The following MEI4 variants were observed in gnomAD, a reference collection of about 807,000 sequenced individuals.
MEI4 encodes meiotic double-stranded break formation protein 4.
In MEI4, 27 loss-of-function variants were observed where a neutral mutation model predicts 31.4. The ratio of observed to expected loss-of-function variants is 0.86; its 90% CI spans 0.63 to 1.19. The LOEUF (loss-of-function observed/expected upper bound fraction) is 1.19, where lower values mean the gene tolerates loss of function less well. Among genes scored for constraint, MEI4 ranks in the 50% most tolerant of loss-of-function variants. The pLI is 0.00. For synonymous variants in MEI4, 122 were observed against 145.4 expected, an observed-to-expected ratio of 0.84 and a Z score of 1.16; for missense variants, 329 against 398.9, an observed-to-expected ratio of 0.82 and a Z score of 1.49.
intron 4 of MEI4, among the ~76,000 whole-genome samples, chr6:77,910,925 G>GTTTTTTTTTT (rs58959367): frequency 1.7e-5 from 2 of 120,582 alleles, no homozygotes; most frequent in Non-Finnish European, 1.7e-5. Flanking sequence ...CCAGCTTCTG[G>GTTTTTTTTTT]TTTTTTTTTT....
At chr6:77,762,940 C>G (rs997571204) in intron 3 of MEI4, among the ~76,000 whole-genome samples, 3 of 152,026 alleles carry the variant, frequency 2.0e-5, no homozygotes, top group Non-Finnish European at 4.4e-5. Flanking sequence ...TTTTAAACTT[C>G]TTTTTATACT....
At chr6:77,698,307 A>G (rs571706024) in intron 2 of MEI4, among the ~76,000 whole-genome samples, 1 of 152,288 alleles carries the variant, frequency 6.6e-6, no homozygotes, top group East Asian at 1.9e-4. Flanking sequence ...TGATCCTGTC[A>G]GTATGATGTT....
rs559425700 is a variant in MEI4, at chr6:77,732,121, G to A, written c.233-29009G>A. 2.6e-5 allele frequency among the ~76,000 whole-genome samples: 4 copies of A among 151,156 alleles called. No homozygotes were observed. In the South Asian group the frequency reaches 8.4e-4, roughly 32 times the overall value. Reference sequence around the variant, plus strand: ...GACTTGGCGATGCGGGCTCTTTTTTGGTTCCATATGAACTTGAAAGTAGTT... The same window carrying A: ...GACTTGGCGATGCGGGCTCTTTTTTAGTTCCATATGAACTTGAAAGTAGTT... On this transcript the variant is annotated intron_variant, in intron 2 of 4. Coordinates refer to ENST00000684080, the MANE Select transcript of MEI4 (RefSeq NM_001322247.2).
intron 4 of MEI4, among the ~76,000 whole-genome samples, chr6:77,840,673 A>G (rs1383123442): frequency 6.6e-6 from 1 of 152,130 alleles, no homozygotes; most frequent in East Asian, 1.9e-4. Context: ...TGTTTGTCAC[A>G]TGGGTATATT....
At chr6:77,773,261 A>G (rs1768360609) in intron 3 of MEI4, among the ~76,000 whole-genome samples, 1 of 151,934 alleles carries the variant, frequency 6.6e-6, no homozygotes, top group Non-Finnish European at 1.5e-5. Flanking sequence ...AAGAACAAAG[A>G]TGGAGGAATC....
At chr6:77,855,213 TG>T (rs985241964) in intron 4 of MEI4, among the ~76,000 whole-genome samples, 1 of 151,900 alleles carries the variant, frequency 6.6e-6, no homozygotes, top group African/African-American at 2.4e-5. Context: ...GGCATGGTGG[TG>T]GGTGCCTGTA....
chr6:77,879,514 A>T (rs529919180), intron 4 of MEI4, among the ~76,000 whole-genome samples: 15 of 152,320 alleles, frequency 9.8e-5, no homozygotes, highest in African/African-American at 2.9e-4. Context: ...AAAATACTGA[A>T]TTTAGAACTC....
At chr6:77,698,034 G>C (rs1452915455) in intron 2 of MEI4, among the ~76,000 whole-genome samples, 4 of 152,078 alleles carry the variant, frequency 2.6e-5, no homozygotes, top group African/African-American at 7.2e-5. Flanking sequence ...TCTTCTTTGT[G>C]TCTTTTGATC....
chr6:77,681,314 T>C (rs1022461592), intron 1 of MEI4, among the ~76,000 whole-genome samples: 1 of 152,268 alleles, frequency 6.6e-6, no homozygotes, highest in African/African-American at 2.4e-5. Flanking sequence ...ATTTGAGTTA[T>C]GTAATTCATC....
intron 3 of MEI4, among the ~76,000 whole-genome samples, chr6:77,806,797 T>G (rs1337060064): frequency 1.3e-5 from 2 of 152,164 alleles, no homozygotes; most frequent in African/African-American, 4.8e-5. Flanking sequence ...ATTGGCAAAC[T>G]ATGCTATTGG....
At chr6:77,704,373 C>T (rs928193822) in intron 2 of MEI4, among the ~76,000 whole-genome samples, 3 of 152,204 alleles carry the variant, frequency 2.0e-5, no homozygotes, top group African/African-American at 7.2e-5. Context: ...TCTAAGAAGT[C>T]GTCCTCCCCT....
intron 3 of MEI4, among the ~76,000 whole-genome samples, chr6:77,769,363 G>T (rs1447306178): frequency 6.6e-6 from 1 of 152,128 alleles, no homozygotes; most frequent in Non-Finnish European, 1.5e-5. Flanking sequence ...CTGACTTTTG[G>T]CAAGTCCTGC....
intron 4 of MEI4, among the ~76,000 whole-genome samples, chr6:77,877,063 G>A (rs567780449): frequency 1.3e-5 from 2 of 152,178 alleles, no homozygotes; most frequent in African/African-American, 4.8e-5. Context: ...GAAGTATAAT[G>A]TGCAACATTT....
chr6:77,777,603 C>T (rs1768485784), intron 3 of MEI4, among the ~76,000 whole-genome samples: 1 of 152,154 alleles, frequency 6.6e-6, no homozygotes. Flanking sequence ...AATCATCCTA[C>T]ACTAAAGCTT....
intron 4 of MEI4, among the ~76,000 whole-genome samples, chr6:77,876,804 C>A (rs548783649): frequency 1.4e-4 from 21 of 151,860 alleles, no homozygotes; most frequent in African/African-American, 5.1e-4. Context: ...TAATGACTTA[C>A]AAAAATATGA....
intron 3 of MEI4, among the ~76,000 whole-genome samples, chr6:77,821,673 T>G (rs1438599208): frequency 6.6e-6 from 1 of 151,876 alleles, no homozygotes; most frequent in Non-Finnish European, 1.5e-5. Context: ...CACATGCCTG[T>G]ACTTCCAGCT....
chr6:77,767,810 C>A (rs1383377745), intron 3 of MEI4, among the ~76,000 whole-genome samples: 1 of 152,112 alleles, frequency 6.6e-6, no homozygotes, highest in African/African-American at 2.4e-5. Context: ...AATCTTAATA[C>A]TTCTTTTGAT....
At chr6:77,837,295 A>G (rs1172395975) in intron 4 of MEI4, among the ~76,000 whole-genome samples, 1 of 152,210 alleles carries the variant, frequency 6.6e-6, no homozygotes, top group Non-Finnish European at 1.5e-5. Context: ...AGTCTTGTCA[A>G]CGAATCAAAC....
chr6:77,746,511 C>G (rs927788188), intron 2 of MEI4, among the ~76,000 whole-genome samples: 1 of 152,080 alleles, frequency 6.6e-6, no homozygotes, highest in Non-Finnish European at 1.5e-5. Context: ...GGTCTTAAGT[C>G]TGCCAGTTTT....
Sources: gnomAD v4.1 joint callset for allele counts (sites outside exome capture counted in the v4.1 genomes callset) on GRCh38, gnomAD v4.1.1 for gene constraint, MANE v1.5 for transcripts, NCBI Gene and HGNC (gene_info 2026-07-23, HGNC 2026-07-21) for gene names.